The following AKAP13 variants were observed in gnomAD, a reference collection of about 807,000 sequenced individuals.
AKAP13 encodes A-kinase anchoring protein 13.
A neutral mutation model predicts 264.5 loss-of-function variants in AKAP13; 80 were observed. That is an observed-to-expected ratio of 0.30 (90% CI 0.25 to 0.36). The LOEUF is 0.36. AKAP13 is among the 10% of genes least tolerant of loss of function. AKAP13 has a pLI of 1.00. For missense variants in AKAP13, 3,712 were observed against 3,435.2 expected (o/e 1.08, Z -2.01); for synonymous variants, 1,380 against 1,250.2 (o/e 1.10, Z -2.19).
intron 1 of AKAP13, among the ~76,000 whole-genome samples, chr15:85,393,024 C>G (rs184907154): frequency 1.3e-5 from 2 of 152,258 alleles, no homozygotes; most frequent in Admixed American, 6.5e-5. Context: ...TAAAAACATA[C>G]TCAGTGATTT....
At chr15:85,559,410 G>T (rs560006908) in intron 5 of AKAP13, among the ~76,000 whole-genome samples, 1 of 152,212 alleles carries the variant, frequency 6.6e-6, no homozygotes, top group East Asian at 1.9e-4. Flanking sequence ...ATGGACCTGT[G>T]GGAGGAGGGG....
At chr15:85,684,454 C>G (rs1256575769) in intron 15 of AKAP13, 1 of 232,944 alleles carries the variant, frequency 4.3e-6, no homozygotes, top group East Asian at 9.0e-5. Context: ...TCCCAGCTTA[C>G]TCTAGAGGCT....
intron 8 of AKAP13, chr15:85,620,070 T>C (rs1468236622): frequency 6.5e-7 from 1 of 1,535,948 alleles, no homozygotes; most frequent in Non-Finnish European, 8.7e-7. Context: ...ATTTTCTCTG[T>C]TCTTTCTTGC....
intron 18 of AKAP13, among the ~76,000 whole-genome samples, chr15:85,709,710 CAG>C (rs2086525952): frequency 9.0e-6 from 1 of 111,288 alleles, no homozygotes; most frequent in Admixed American, 8.3e-5. Context: ...ATTTTAGAGA[CAG>C]AGTCTCACTG....
At chr15:85,639,799 T>C (rs1194687452) in intron 9 of AKAP13, among the ~76,000 whole-genome samples, 1 of 152,226 alleles carries the variant, frequency 6.6e-6, no homozygotes, top group African/African-American at 2.4e-5. Flanking sequence ...TGGAATTATC[T>C]GGCTGAACAA....
chr15:85,735,843 T>TTTA (rs1455815924), intron 32 of AKAP13, among the ~76,000 whole-genome samples: 2 of 152,216 alleles, frequency 1.3e-5, no homozygotes. Context: ...GGGCAGTGTG[T>TTTA]TTACATTCAT....
intron 1 of AKAP13, among the ~76,000 whole-genome samples, chr15:85,477,038 A>G (rs747607603): frequency 8.6e-5 from 13 of 152,024 alleles, no homozygotes; most frequent in Non-Finnish European, 1.5e-4. Flanking sequence ...CTGTGATCAC[A>G]TTTTATGTTT....
At chr15:85,554,600 A>G (rs1391284489) in intron 5 of AKAP13, among the ~76,000 whole-genome samples, 1 of 151,058 alleles carries the variant, frequency 6.6e-6, no homozygotes, top group Non-Finnish European at 1.5e-5. Flanking sequence ...TTTTTTTTTT[A>G]AGTCTAATAC....
intron 34 of AKAP13, among the ~76,000 whole-genome samples, 196 bp from the exon 35 acceptor site, chr15:85,740,850 C>T (rs2088922986): frequency 6.8e-6 from 1 of 147,086 alleles, no homozygotes; most frequent in Non-Finnish European, 1.5e-5. Context: ...CCGTGAGTTC[C>T]TGCACCTTTG....
chr15:85,647,762 G>A (rs898719950), intron 10 of AKAP13, among the ~76,000 whole-genome samples: 6 of 152,022 alleles, frequency 3.9e-5, no homozygotes, highest in Non-Finnish European at 7.4e-5. Context: ...TGGCTAACAC[G>A]GTGAAACCCC....
At chr15:85,713,044 C>A (rs1276956066) in intron 19 of AKAP13, among the ~76,000 whole-genome samples, 1 of 152,144 alleles carries the variant, frequency 6.6e-6, no homozygotes. Context: ...GGGTGGTAGT[C>A]AGGTTTAAAT....
chr15:85,620,150 CTG>C, intron 8 of AKAP13: 1 of 1,536,086 alleles, frequency 6.5e-7, no homozygotes, highest in Non-Finnish European at 8.7e-7. Context: ...GTGGACAGGA[CTG>C]TGGACGTGGT....
chr15:85,659,489 C>T (rs1259547265), intron 12 of AKAP13, among the ~76,000 whole-genome samples: 2 of 143,780 alleles, frequency 1.4e-5, no homozygotes, highest in Non-Finnish European at 3.2e-5. Flanking sequence ...AGCTGAAATT[C>T]AGATATTCTC....
chr15:85,641,940 A>G (rs2082327641), intron 9 of AKAP13, among the ~76,000 whole-genome samples: 1 of 152,134 alleles, frequency 6.6e-6, no homozygotes. Context: ...GTTGGCATAT[A>G]TGTTGTTTTA....
intron 1 of AKAP13, among the ~76,000 whole-genome samples, chr15:85,402,428 C>T (rs139567301): frequency 1.3e-5 from 2 of 152,134 alleles, no homozygotes; most frequent in African/African-American, 4.8e-5. Flanking sequence ...TGGTATAAGT[C>T]TTTCATGGTT....
chr15:85,568,264 C>T (rs913971551), intron 5 of AKAP13, among the ~76,000 whole-genome samples: 11 of 151,008 alleles, frequency 7.3e-5, no homozygotes, highest in Admixed American at 2.6e-4. Context: ...TGCACCAGCA[C>T]ACTCCAGCAT....
chr15:85,599,162 C>T (rs2079945602), intron 8 of AKAP13, among the ~76,000 whole-genome samples: 1 of 152,152 alleles, frequency 6.6e-6, no homozygotes, highest in Non-Finnish European at 1.5e-5. Context: ...CTTGTCTGAG[C>T]CTGCTCTTTC....
At chr15:85,618,040 T>C (rs527523386) in intron 8 of AKAP13, among the ~76,000 whole-genome samples, 1 of 152,162 alleles carries the variant, frequency 6.6e-6, no homozygotes, top group Non-Finnish European at 1.5e-5. Flanking sequence ...AGGGGAGGGG[T>C]TGTCCGCCTT....
intron 1 of AKAP13, among the ~76,000 whole-genome samples, chr15:85,441,648 G>A (rs1596187384): frequency 6.6e-6 from 1 of 152,012 alleles, no homozygotes; most frequent in South Asian, 2.1e-4. Flanking sequence ...TTGTAAGTTT[G>A]TATCTGTGAT....
Sources: allele counts gnomAD v4.1 joint callset (sites outside exome capture counted in the v4.1 genomes callset), GRCh38; gene constraint gnomAD v4.1.1; transcripts MANE v1.5; gene names NCBI Gene and HGNC (gene_info 2026-07-23, HGNC 2026-07-21).